Variants in ANKS1B observed in about 807,000 individuals in gnomAD.
The protein encoded by ANKS1B is ankyrin repeat and sterile alpha motif domain-containing protein 1B.
Under a neutral mutation model 148.3 loss-of-function variants are expected in ANKS1B, and 36 were observed. The observed-to-expected ratio is 0.24, with a 90% confidence interval of 0.19 to 0.32. The LOEUF is 0.32. ANKS1B is among the 10% of genes least tolerant of loss of function. The pLI, the probability that ANKS1B is intolerant of heterozygous loss-of-function variation, is 1.00. For missense variants in ANKS1B, 1,157 were observed against 1,542.6 expected, an observed-to-expected ratio of 0.75 and a Z score of 4.19; for synonymous variants, 542 against 560.8, an observed-to-expected ratio of 0.97 and a Z score of 0.47.
At chr12:98,763,900 T>C (rs895266704) in intron 25 of ANKS1B, among the ~76,000 whole-genome samples, 1 of 152,204 alleles carries the variant, frequency 6.6e-6, no homozygotes, top group African/African-American at 2.4e-5. Context: ...ACCCCAAGTA[T>C]AGGAGGTTGG....
intron 17 of ANKS1B, among the ~76,000 whole-genome samples, chr12:98,944,352 T>C (rs1194243810): frequency 6.9e-6 from 1 of 145,832 alleles, no homozygotes; most frequent in Non-Finnish European, 1.5e-5. Flanking sequence ...CATGACACGC[T>C]GGCTCCTTTT....
intron 17 of ANKS1B, among the ~76,000 whole-genome samples, chr12:98,994,421 G>A (rs1373882441): frequency 6.6e-6 from 1 of 152,098 alleles, no homozygotes; most frequent in Non-Finnish European, 1.5e-5. Context: ...CTCAATACCA[G>A]CCTGGCCCAA....
Position 99,731,430 on chromosome 12 carries a change from G to C in ANKS1B, c.1128+41492C>G, listed in dbSNP as rs933704936. On this transcript the variant is annotated intron_variant, in intron 8 of 26. Transcript: ENST00000683438. ...CACCGTGCCGTGTGTGTGTGTGTGT[G>C]TGTGTGTGTGTGTGTGTGTGTGTGT... is the stretch of plus-strand genomic sequence containing the variant. Among the ~76,000 whole-genome samples, 884 of 99,202 alleles carry C rather than the reference G, an allele frequency of 8.9e-3. 8 individuals are homozygous for C. Among genetic ancestry groups the C allele is most frequent in the African/African-American group, 0.016 (533 of 32,618 alleles). The allele number at this position is 99,202 out of a possible 152,430, so 65.1% of individuals were successfully genotyped here. A position where few individuals can be genotyped will look rare whatever the true frequency, so the allele number is the denominator to read the frequency against.
chr12:99,286,976 C>G (rs953395896), intron 12 of ANKS1B, among the ~76,000 whole-genome samples: 1 of 152,098 alleles, frequency 6.6e-6, no homozygotes. Context: ...GGGGGGAGCT[C>G]ACCACCCTGA....
At chr12:99,672,164 T>C (rs1472510279) in intron 8 of ANKS1B, among the ~76,000 whole-genome samples, 1 of 152,058 alleles carries the variant, frequency 6.6e-6, no homozygotes, top group Non-Finnish European at 1.5e-5. Context: ...ACATCCTATC[T>C]AGCCAAGGCA....
intron 25 of ANKS1B, among the ~76,000 whole-genome samples, chr12:98,763,130 G>A (rs1332154941): frequency 6.6e-6 from 1 of 152,244 alleles, no homozygotes; most frequent in Non-Finnish European, 1.5e-5. Flanking sequence ...GGGGTCTCCA[G>A]AAAGAAGCGA....
At chr12:98,985,179 C>T (rs182511481) in intron 17 of ANKS1B, among the ~76,000 whole-genome samples, 6 of 152,220 alleles carry the variant, frequency 3.9e-5, no homozygotes, top group East Asian at 3.9e-4. Context: ...GTGGTGACAT[C>T]GTGGCTCACT....
chr12:99,325,199 T>G (rs941002162), intron 12 of ANKS1B, among the ~76,000 whole-genome samples: 9 of 152,136 alleles, frequency 5.9e-5, no homozygotes, highest in Non-Finnish European at 1.2e-4. Flanking sequence ...AAACTCATAC[T>G]GAACAGGATC....
At chr12:99,462,489 C>A (rs1014026665) in intron 10 of ANKS1B, among the ~76,000 whole-genome samples, 3 of 152,186 alleles carry the variant, frequency 2.0e-5, no homozygotes, top group African/African-American at 4.8e-5. Flanking sequence ...CGAAATCACT[C>A]AATAAATCTC....
intron 17 of ANKS1B, among the ~76,000 whole-genome samples, chr12:98,971,762 C>CTGAA (rs1163947395): frequency 5.3e-5 from 8 of 152,186 alleles, no homozygotes; most frequent in Admixed American, 1.3e-4. Context: ...GCACAAAAGG[C>CTGAA]TGAAGAACAA....
At chr12:99,051,991 T>C (rs1005448436) in intron 17 of ANKS1B, among the ~76,000 whole-genome samples, 1 of 152,198 alleles carries the variant, frequency 6.6e-6, no homozygotes, top group African/African-American at 2.4e-5. Flanking sequence ...CTTATTTGCT[T>C]TATCTCTTAG....
intron 1 of ANKS1B, among the ~76,000 whole-genome samples, chr12:99,936,941 G>A (rs2094790917): frequency 6.6e-6 from 1 of 152,128 alleles, no homozygotes; most frequent in Non-Finnish European, 1.5e-5. Flanking sequence ...GTGGAAACAG[G>A]TACATAGGTA....
intron 12 of ANKS1B, among the ~76,000 whole-genome samples, chr12:99,313,920 C>A (rs2083583578): frequency 6.6e-6 from 1 of 152,026 alleles, no homozygotes; most frequent in Non-Finnish European, 1.5e-5. Flanking sequence ...CTGGCTAGGG[C>A]AATCAGGCAA....
intron 17 of ANKS1B, among the ~76,000 whole-genome samples, chr12:98,887,442 C>G (rs199590625): frequency 1.3e-5 from 2 of 152,066 alleles, no homozygotes; most frequent in East Asian, 3.9e-4. Flanking sequence ...AATTATATAA[C>G]CTTCCCACAG....
chr12:99,072,234 C>T (rs957579957), intron 16 of ANKS1B, among the ~76,000 whole-genome samples: 1 of 151,928 alleles, frequency 6.6e-6, no homozygotes, highest in Non-Finnish European at 1.5e-5. Context: ...CTTCTTGGCT[C>T]CAGGCAAAAG....
chr12:99,906,982 G>A (rs2093806334), intron 1 of ANKS1B, among the ~76,000 whole-genome samples: 3 of 152,194 alleles, frequency 2.0e-5, no homozygotes, highest in Admixed American at 2.0e-4. Flanking sequence ...ACAGAGTAGA[G>A]AACTAACATT....
Position 98,874,983 on chromosome 12 carries a change from C to A in ANKS1B, c.2779-42847G>T, listed in dbSNP as rs538928682. On this transcript the variant is annotated intron_variant, in intron 17 of 26. Transcript: ENST00000683438. Reference sequence around the variant, plus strand: ...TTGTATCATTATAAATTTTAACCTTCAAGTTTAGCAATAAAATGACTTAAA... The same window carrying A: ...TTGTATCATTATAAATTTTAACCTTAAAGTTTAGCAATAAAATGACTTAAA... 2.0e-5 allele frequency among the ~76,000 whole-genome samples: 3 copies of A among 152,332 alleles called. No individual in the cohort carries two copies. In the East Asian group the frequency reaches 5.8e-4, roughly 29 times the overall value.
rs953640085 is a variant in ANKS1B, at chr12:99,862,796, G to C, written c.135-37407C>G. Among the ~76,000 whole-genome samples, 7 of 152,124 alleles carry C rather than the reference G, an allele frequency of 4.6e-5. 1 individual carries two copies. The highest frequency in any genetic ancestry group is 1.7e-4 in the African/African-American group (7 of 41,436). ...CCATGAGACACTTTTACTGCGAGCAGTAAGTATGAGAATGCAAAATCTAGG... is the reference window on the plus strand; with the variant it reads ...CCATGAGACACTTTTACTGCGAGCACTAAGTATGAGAATGCAAAATCTAGG... On this transcript the variant is annotated intron_variant, in intron 1 of 26. Coordinates refer to ENST00000683438, the MANE Select transcript of ANKS1B (RefSeq NM_001352186.2).
At chr12:98,749,481 C>T (rs1250585922) in intron 26 of ANKS1B, among the ~76,000 whole-genome samples, 1 of 152,110 alleles carries the variant, frequency 6.6e-6, no homozygotes, top group Non-Finnish European at 1.5e-5. Flanking sequence ...AAATGCTACA[C>T]AGAATTAAAA....
Sources: gnomAD v4.1 joint callset for allele counts (sites outside exome capture counted in the v4.1 genomes callset) on GRCh38, gnomAD v4.1.1 for gene constraint, MANE v1.5 for transcripts, NCBI Gene and HGNC (gene_info 2026-07-23, HGNC 2026-07-21) for gene names.